Variants in TSC22D1 observed in about 807,000 individuals in gnomAD.
TSC22D1 encodes the protein TSC22 domain family member 1, also known as TSC22 domain family protein 1.
TSC22D1 carries 9 observed loss-of-function variants against 74.2 expected under a neutral mutation model. That is an observed-to-expected ratio of 0.12 (90% CI 0.07 to 0.21). The LOEUF is 0.21. TSC22D1 is among the 10% of genes least tolerant of loss of function. The probability of loss-of-function intolerance (pLI) is 1.00; values close to 1 mark genes in which losing one functional copy is unlikely to be tolerated. For missense variants in TSC22D1, 1,427 were observed against 1,304.7 expected, an observed-to-expected ratio of 1.09 and a Z score of -1.44; for synonymous variants, 586 against 492.5, an observed-to-expected ratio of 1.19 and a Z score of -2.51.
intron 1 of TSC22D1, among the ~76,000 whole-genome samples, chr13:44,470,511 T>C (rs1270584006): frequency 6.6e-6 from 1 of 152,184 alleles, no homozygotes; most frequent in South Asian, 2.1e-4. Flanking sequence ...ATAGGAAAGA[T>C]TCCTTAAAGT....
intron 1 of TSC22D1, among the ~76,000 whole-genome samples, chr13:44,553,701 G>T (rs537791850): frequency 6.6e-6 from 1 of 152,256 alleles, no homozygotes; most frequent in Admixed American, 6.5e-5. Context: ...TTTAAAAAAA[G>T]GGAAAGGTTG....
rs976172382 is a variant in TSC22D1 at position 44,557,402 on chromosome 13, G to A, written c.2912+15761C>T. The stretch of plus-strand genomic sequence containing the variant: ...CTTGAACCTGCGAGGTGGAGGTTGC[G>A]GTGAGCTGAGATCACGTCACTGCAC... On this transcript the variant is annotated intron_variant, in intron 1 of 2. Transcript: ENST00000458659. Among the ~76,000 whole-genome samples, 8 of 152,266 alleles carry A rather than the reference G, an allele frequency of 5.3e-5. 1 individual carries two copies. In the Middle Eastern group the frequency reaches 0.01, roughly 194 times the overall value.
In TSC22D1 at chr13:44,573,387, C is replaced by G. The variant is rs774259579; in HGVS notation, c.2688G>C (p.Gln896His). Residue 896 changes from glutamine (Q) to histidine (H), a missense_variant, in exon 1 of 3, where the codon CAG becomes CAC. Around this residue, in one of 3 missense-constraint regions of TSC22D1, gnomAD observed 1,343 missense variants for 1,191.5 expected, o/e 1.13. Transcript: ENST00000458659. The stretch of plus-strand genomic sequence containing the variant: ...CCTGAGCTAATGATTGTGCGGAGAA[C>G]TGGGTAGAACTTAGTGGTATCTGTT... ...LAQQIPLSSTQFSAQSLAQAI... is the reference protein window; with the variant it reads ...LAQQIPLSSTHFSAQSLAQAI... 64 of 1,614,134 alleles carry G rather than the reference C, an allele frequency of 4.0e-5. No homozygotes were observed. Among genetic ancestry groups the G allele is most frequent in the Non-Finnish European group, 5.3e-5 (63 of 1,180,060 alleles).
At chr13:44,487,631 C>T (rs1459135085) in intron 1 of TSC22D1, among the ~76,000 whole-genome samples, 1 of 149,950 alleles carries the variant, frequency 6.7e-6, no homozygotes, top group African/African-American at 2.5e-5. Flanking sequence ...GTATCAGGAC[C>T]AAACTGAGTT....
At chr13:44,551,018 G>T (rs1377435353) in intron 1 of TSC22D1, among the ~76,000 whole-genome samples, 1 of 151,312 alleles carries the variant, frequency 6.6e-6, no homozygotes, top group Non-Finnish European at 1.5e-5. Flanking sequence ...GAGGTGGGAG[G>T]ATCACCTGAG....
At chr13:44,482,109 A>T (rs867270047) in intron 1 of TSC22D1, among the ~76,000 whole-genome samples, 8 of 152,352 alleles carry the variant, frequency 5.3e-5, no homozygotes, top group South Asian at 4.1e-4. Flanking sequence ...CGTGCATGTT[A>T]GTAAATTTGC....
intron 1 of TSC22D1, among the ~76,000 whole-genome samples, chr13:44,568,754 T>C (rs1449147392): frequency 6.6e-6 from 1 of 151,628 alleles, no homozygotes; most frequent in Non-Finnish European, 1.5e-5. Flanking sequence ...GCCCAAAACA[T>C]ACAAAAATGG....
intron 1 of TSC22D1, among the ~76,000 whole-genome samples, chr13:44,534,821 T>C (rs1881054325): frequency 6.6e-6 from 1 of 152,206 alleles, no homozygotes; most frequent in African/African-American, 2.4e-5. Context: ...AAAAGGAGAT[T>C]GTACTTTCCT....
chr13:44,525,795 CAAAAAAAAAAA>C (rs59399056), intron 1 of TSC22D1, among the ~76,000 whole-genome samples: 4 of 88,552 alleles, frequency 4.5e-5, no homozygotes, highest in Non-Finnish European at 1.0e-4. Context: ...TAGCTTTTAA[CAAAAAAAAAAA>C]AAAAAAAAAA....
intron 1 of TSC22D1, among the ~76,000 whole-genome samples, chr13:44,448,520 G>A (rs748925626): frequency 6.6e-6 from 1 of 152,166 alleles, no homozygotes; most frequent in Non-Finnish European, 1.5e-5. Context: ...GTCTAATGTA[G>A]TACAGGCCTA....
At chr13:44,538,020 A>C (rs1206294760) in intron 1 of TSC22D1, 1 of 985,198 alleles carries the variant, frequency 1.0e-6, no homozygotes, top group African/African-American at 1.7e-5. Context: ...AAAGAAACAG[A>C]AACATTTTGA....
chr13:44,519,377 T>C (rs1241794890), intron 1 of TSC22D1, among the ~76,000 whole-genome samples: 2 of 152,146 alleles, frequency 1.3e-5, no homozygotes, highest in African/African-American at 4.8e-5. Flanking sequence ...GTAAACAAGA[T>C]CCTGGTCTCT....
In TSC22D1 at chr13:44,573,671, G is replaced by C; in HGVS notation, c.2404C>G (p.Gln802Glu). The C allele has an allele frequency of 1.2e-6, 2 of 1,614,222 alleles. No individual in the cohort carries two copies. The highest frequency in any genetic ancestry group is 1.7e-6 in the Non-Finnish European group (2 of 1,180,040). ...SQSSLLTVPP[Q>E]PQGVEPVAQG... ...GCTACTGGTTCTACTCCTTGTGGCT[G>C]GGGAGGCACAGTTAACAAGGAACTT... Residue 802 changes from glutamine (Q) to glutamate (E), a missense_variant, in exon 1 of 3, where the codon CAG becomes GAG. Physicochemically the swap from Gln to Glu is conservative, Grantham distance 29 (BLOSUM62 2). Around this residue, in one of 3 missense-constraint regions of TSC22D1, gnomAD observed 1,343 missense variants for 1,191.5 expected, o/e 1.13. Coordinates refer to ENST00000458659, the MANE Select transcript of TSC22D1 (RefSeq NM_183422.4).
Position 44,574,446 on chromosome 13 carries a change from C to T in TSC22D1, c.1629G>A (p.Gln543=). The part of the protein sequence containing the change: ...VSIPQSISQS[Q]ISQVQLQSQE... Reference sequence around the variant, plus strand: ...GAGACTGTAATTGTACTTGTGAGATCTGTGACTGAGAAATACTCTGTGGTA... The same window carrying T: ...GAGACTGTAATTGTACTTGTGAGATTTGTGACTGAGAAATACTCTGTGGTA... The change falls in exon 1 of 3, where the codon CAG becomes CAA. Residue 543 remains glutamine, a synonymous_variant. Transcript: ENST00000458659. The T allele has an allele frequency of 6.2e-7, 1 of 1,614,228 alleles. No homozygotes were observed. The highest frequency in any genetic ancestry group is 8.5e-7 in the Non-Finnish European group (1 of 1,180,044).
intron 1 of TSC22D1, among the ~76,000 whole-genome samples, chr13:44,532,467 G>A (rs1256514384): frequency 6.6e-6 from 1 of 151,166 alleles, no homozygotes; most frequent in East Asian, 1.9e-4. Flanking sequence ...TGCGCTCACA[G>A]AAGATCTACA....
intron 1 of TSC22D1, 65 bp downstream of exon 1, chr13:44,573,098 T>A: frequency 1.3e-6 from 2 of 1,551,266 alleles, no homozygotes; most frequent in Non-Finnish European, 1.7e-6. Context: ...TGTGCATACA[T>A]ATAGCTACTA....
intron 1 of TSC22D1, among the ~76,000 whole-genome samples, chr13:44,441,951 AG>A (rs1291422267): frequency 6.6e-6 from 1 of 152,128 alleles, no homozygotes; most frequent in Non-Finnish European, 1.5e-5. Context: ...GAAATCACAT[AG>A]GGTAGGCACC....
intron 1 of TSC22D1, among the ~76,000 whole-genome samples, chr13:44,554,229 A>T (rs538518520): frequency 1.9e-4 from 29 of 152,312 alleles, no homozygotes; most frequent in South Asian, 8.3e-4. Flanking sequence ...AATCAGGCTT[A>T]AAAAAGTTAA....
chr13:44,509,950 C>CAAAAAAA, intron 1 of TSC22D1, among the ~76,000 whole-genome samples: 4 of 51,420 alleles, frequency 7.8e-5, no homozygotes, highest in East Asian at 5.7e-4. Context: ...AGAAAATAAG[C>CAAAAAAA]AAAAAAAAAA....
Sources: allele counts gnomAD v4.1 joint callset (sites outside exome capture counted in the v4.1 genomes callset), GRCh38; gene constraint gnomAD v4.1.1; regional missense constraint gnomAD v4.1.1; transcripts MANE v1.5; gene names NCBI Gene and HGNC (gene_info 2026-07-23, HGNC 2026-07-21).